AQP9: variants seen among roughly 807,000 people sequenced by gnomAD.
The protein encoded by AQP9 is aquaporin 9.
AQP9 carries 19 observed loss-of-function variants against 23.8 expected under a neutral mutation model. That is an observed-to-expected ratio of 0.80 (90% CI 0.56 to 1.17). AQP9 has a LOEUF of 1.17. Among genes scored for constraint, AQP9 ranks in the 50% most tolerant of loss-of-function variants. The pLI, the probability that AQP9 is intolerant of heterozygous loss-of-function variation, is 0.00. For synonymous variants in AQP9, 153 were observed against 131.5 expected (o/e 1.16, Z -1.12); for missense variants, 413 against 362.0 (o/e 1.14, Z -1.14).
intron 4 of AQP9, among the ~76,000 whole-genome samples, chr15:58,178,726 T>C (rs1202192234): frequency 6.6e-6 from 1 of 152,236 alleles, no homozygotes; most frequent in African/African-American, 2.4e-5. Flanking sequence ...ATATCTCACA[T>C]TGCTTTTCTC....
chr15:58,183,157 T>A (rs536998388), intron 5 of AQP9, among the ~76,000 whole-genome samples: 1 of 152,202 alleles, frequency 6.6e-6, no homozygotes, highest in Admixed American at 6.5e-5. Context: ...TCCTGAAGTT[T>A]TGTGTTTTCC....
chr15:58,179,874 C>A (rs1237564718), intron 5 of AQP9, among the ~76,000 whole-genome samples: 1 of 152,164 alleles, frequency 6.6e-6, no homozygotes, highest in Non-Finnish European at 1.5e-5. Flanking sequence ...AGTGCTCTGG[C>A]AACCCCTAAA....
At chr15:58,183,363 T>C (rs575206410) in intron 5 of AQP9, among the ~76,000 whole-genome samples, 5 of 152,292 alleles carry the variant, frequency 3.3e-5, no homozygotes, top group South Asian at 2.1e-4. Flanking sequence ...TGTACTAACA[T>C]TGAGGATTTC....
At chr15:58,172,934 TAC>T in intron 2 of AQP9, 132 bp from the exon 3 acceptor site, 1 of 1,119,994 alleles carries the variant, frequency 8.9e-7, no homozygotes, top group Non-Finnish European at 1.3e-6. Context: ...TTCACGTGCA[TAC>T]ACACCCCTCT....
Position 58,183,948 on chromosome 15 carries a change from T to A in AQP9, c.714-13T>A. ...GCCAAGAAATGTATCACTAATTTCT[T>A]GTTTGATTTCAGAGCTGGAAACAAC... On this transcript the variant is annotated splice_polypyrimidine_tract_variant and intron_variant, in intron 5 of 5. Transcript: ENST00000219919. The A allele has an allele frequency of 6.2e-7, 1 of 1,613,392 alleles. No homozygotes were observed. The highest frequency in any genetic ancestry group is 8.5e-7 in the Non-Finnish European group (1 of 1,179,490).
Position 58,138,561 on chromosome 15 carries a change from C to T in AQP9, c.-5C>T, listed in dbSNP as rs765070864. The T allele has an allele frequency of 6.2e-7, 1 of 1,613,278 alleles. No individual in the cohort carries two copies. The highest frequency in any genetic ancestry group is 1.1e-5 in the South Asian group (1 of 91,050). ...AGAAACAGGAGTCCTCAGAGAAGCC[C>T]CAAGATGCAGCCTGAGGGAGCAGAA... On this transcript the variant is annotated 5_prime_UTR_variant, in exon 1 of 6. Transcript: ENST00000219919.
At chr15:58,156,674 C>T (rs539321102) in intron 1 of AQP9, among the ~76,000 whole-genome samples, 3 of 152,280 alleles carry the variant, frequency 2.0e-5, no homozygotes, top group African/African-American at 7.2e-5. Flanking sequence ...CTCTTAATGA[C>T]TTTCACCTGG....
At chr15:58,174,718 G>A (rs1368130713) in intron 3 of AQP9, among the ~76,000 whole-genome samples, 200 bp from the exon 4 acceptor site, 1 of 152,218 alleles carries the variant, frequency 6.6e-6, no homozygotes, top group African/African-American at 2.4e-5. Context: ...AGAGGCCAAA[G>A]GCCTTCTTCC....
chr15:58,168,571 C>T (rs1455896743), intron 2 of AQP9, among the ~76,000 whole-genome samples: 5 of 150,348 alleles, frequency 3.3e-5, no homozygotes, highest in Admixed American at 3.3e-4. Flanking sequence ...ATCCAAGGGT[C>T]GTCCAGGTTA....
At chr15:58,163,365 A>G (rs1898423592) in intron 1 of AQP9, among the ~76,000 whole-genome samples, 1 of 152,212 alleles carries the variant, frequency 6.6e-6, no homozygotes, top group African/African-American at 2.4e-5. Context: ...TGCGTGGTGG[A>G]CTTCAGAAGC....
intron 1 of AQP9, among the ~76,000 whole-genome samples, chr15:58,150,087 A>G (rs1467782173): frequency 1.3e-5 from 2 of 152,212 alleles, no homozygotes; most frequent in African/African-American, 2.4e-5. Context: ...TCCAAAGGTA[A>G]GTGAGACCGA....
intron 1 of AQP9, among the ~76,000 whole-genome samples, chr15:58,148,858 G>A (rs1348353012): frequency 6.6e-6 from 1 of 152,084 alleles, no homozygotes; most frequent in East Asian, 1.9e-4. Context: ...ACTGAGGCTG[G>A]CCATGTTCCC....
intron 1 of AQP9, among the ~76,000 whole-genome samples, chr15:58,139,075 C>A: frequency 6.6e-6 from 1 of 152,100 alleles, no homozygotes; most frequent in South Asian, 2.1e-4. Flanking sequence ...CATCAATAGT[C>A]AATAAATATA....
rs1490188215 is a variant in AQP9 at position 58,185,821 on chromosome 15, C to T, written c.*1686C>T. 2.6e-5 allele frequency: 4 copies of T among 152,176 alleles called. No individual in the cohort carries two copies. The highest frequency in any genetic ancestry group is 2.6e-4 in the Admixed American group (4 of 15,282). 9.4% of individuals were successfully genotyped at this position (152,176 alleles called of 1,614,324 possible). A position where few individuals can be genotyped will look rare whatever the true frequency, so the allele number is the denominator to read the frequency against. ...TGAAATGTTTCTGATGACTTATGTT[C>T]TACAATCTATGGACATACGGGATTT... On this transcript the variant is annotated 3_prime_UTR_variant, in exon 6 of 6. Coordinates refer to ENST00000219919, the MANE Select transcript of AQP9 (RefSeq NM_020980.5).
At chr15:58,146,657 T>C (rs903277864) in intron 1 of AQP9, 1 of 152,196 alleles carries the variant, frequency 6.6e-6, no homozygotes, top group Non-Finnish European at 1.5e-5. Flanking sequence ...TATAAATTCT[T>C]CAGGGAGATT....
At chr15:58,149,703 C>CT (rs1898112833) in intron 1 of AQP9, among the ~76,000 whole-genome samples, 1 of 152,198 alleles carries the variant, frequency 6.6e-6, no homozygotes, top group South Asian at 2.1e-4. Flanking sequence ...GGGGACTTCT[C>CT]TAACACACAC....
intron 1 of AQP9, among the ~76,000 whole-genome samples, chr15:58,164,645 C>T (rs931735600): frequency 2.0e-5 from 3 of 152,116 alleles, no homozygotes; most frequent in South Asian, 4.1e-4. Flanking sequence ...CTGTATTTAA[C>T]ATTCAGCGTA....
intron 4 of AQP9, among the ~76,000 whole-genome samples, chr15:58,176,146 C>T (rs559784512): frequency 1.2e-4 from 19 of 152,070 alleles, no homozygotes; most frequent in African/African-American, 3.1e-4. Flanking sequence ...ATGAGAAAAA[C>T]GCATTGTAAG....
intron 3 of AQP9, among the ~76,000 whole-genome samples, chr15:58,174,122 GA>G (rs201910791): frequency 2.0e-5 from 3 of 150,524 alleles, no homozygotes; most frequent in African/African-American, 4.9e-5. Context: ...CGTCTCTTCA[GA>G]AAAAAAAATT....
Sources: gnomAD v4.1 joint callset for allele counts (sites outside exome capture counted in the v4.1 genomes callset) on GRCh38, gnomAD v4.1.1 for gene constraint, MANE v1.5 for transcripts, NCBI Gene and HGNC (gene_info 2026-07-23, HGNC 2026-07-21) for gene names.